Variants in CDH13 observed in about 807,000 individuals in gnomAD.
CDH13 encodes cadherin-13.
A neutral mutation model predicts 63.8 loss-of-function variants in CDH13; 24 were observed. The ratio of observed to expected loss-of-function variants is 0.38; its 90% CI spans 0.27 to 0.53. CDH13 has a LOEUF of 0.53. Among genes scored for constraint, CDH13 ranks in the 20% least tolerant of loss-of-function variants. The probability of loss-of-function intolerance (pLI) is 0.85; values close to 1 mark genes in which losing one functional copy is unlikely to be tolerated. For synonymous variants in CDH13, 503 were observed against 355.3 expected (o/e 1.42, Z -4.67); for missense variants, 1,049 against 903.1 (o/e 1.16, Z -2.07).
chr16:83,439,316 G>A (rs747089699), intron 6 of CDH13, among the ~76,000 whole-genome samples: 1 of 152,152 alleles, frequency 6.6e-6, no homozygotes, highest in Non-Finnish European at 1.5e-5. Flanking sequence ...CAGCCAAAGA[G>A]CACCAGGAAC....
At chr16:82,771,449 A>T (rs937565738) in intron 1 of CDH13, among the ~76,000 whole-genome samples, 7 of 152,164 alleles carry the variant, frequency 4.6e-5, no homozygotes, top group African/African-American at 1.4e-4. Context: ...GCTTGATAGC[A>T]TTTGTAAAGG....
chr16:83,397,075 G>C (rs774663388), intron 6 of CDH13, among the ~76,000 whole-genome samples: 1 of 151,996 alleles, frequency 6.6e-6, no homozygotes, highest in Non-Finnish European at 1.5e-5. Flanking sequence ...CTTTCTCCTG[G>C]CTTTCCTGAT....
chr16:83,266,666 A>C (rs768112249), intron 5 of CDH13, among the ~76,000 whole-genome samples: 7 of 152,246 alleles, frequency 4.6e-5, no homozygotes, highest in African/African-American at 7.2e-5. Flanking sequence ...AAGAAGTTTA[A>C]GTAAGGACAA....
chr16:82,754,241 A>G lies in CDH13; in HGVS notation c.46-104121A>G, dbSNP rs77015419. Among the ~76,000 whole-genome samples the G allele has an allele frequency of 1.7e-3, 256 of 152,306 alleles. 10 individuals carry two copies. The East Asian group carries it at 0.044, about 26-fold the overall frequency. The stretch of plus-strand genomic sequence containing the variant: ...ATGTCTATTTCTGCCCTGGGGTCCT[A>G]AAACATAAATTTTAACATTCCTTGC... On this transcript the variant is annotated intron_variant, in intron 1 of 13. Coordinates refer to ENST00000567109, the MANE Select transcript of CDH13 (RefSeq NM_001257.5).
intron 4 of CDH13, among the ~76,000 whole-genome samples, chr16:83,129,529 A>C (rs1329032379): frequency 6.6e-6 from 1 of 152,200 alleles, no homozygotes; most frequent in Non-Finnish European, 1.5e-5. Context: ...TTGTAATGTC[A>C]GGGGCTAACT....
intron 1 of CDH13, among the ~76,000 whole-genome samples, chr16:82,706,424 G>A (rs556530341): frequency 5.3e-5 from 8 of 152,294 alleles, no homozygotes; most frequent in East Asian, 1.9e-4. Context: ...CTCAGCAGCC[G>A]TTTCATGCCA....
chr16:82,858,628 A>G, intron 2 of CDH13, 155 bp downstream of exon 2: 2 of 690,028 alleles, frequency 2.9e-6, no homozygotes, highest in South Asian at 1.6e-5. Flanking sequence ...AAATTCTTGA[A>G]TGAGGGCCTG....
chr16:82,997,877 A>G (rs747675315), intron 2 of CDH13, among the ~76,000 whole-genome samples: 1 of 152,244 alleles, frequency 6.6e-6, no homozygotes, highest in Non-Finnish European at 1.5e-5. Context: ...TATCAGGCCA[A>G]CAATATCAGC....
intron 2 of CDH13, among the ~76,000 whole-genome samples, chr16:82,970,981 C>T (rs1427184569): frequency 1.3e-5 from 2 of 152,158 alleles, no homozygotes; most frequent in African/African-American, 4.8e-5. Context: ...TTCACATAGA[C>T]TAGGTTGCAA....
At chr16:83,161,147 T>A (rs2037427093) in intron 4 of CDH13, among the ~76,000 whole-genome samples, 1 of 152,196 alleles carries the variant, frequency 6.6e-6, no homozygotes. Context: ...CCACGTGATT[T>A]TCTAAGGCTA....
At chr16:83,191,505 A>ATATT (rs1491422081) in intron 4 of CDH13, among the ~76,000 whole-genome samples, 2 of 73,980 alleles carry the variant, frequency 2.7e-5, no homozygotes, top group Non-Finnish European at 5.8e-5. Flanking sequence ...ATATATATAT[A>ATATT]CACACACACA....
chr16:83,035,657 G>A (rs1916780040), intron 3 of CDH13, among the ~76,000 whole-genome samples: 1 of 152,186 alleles, frequency 6.6e-6, no homozygotes, highest in South Asian at 2.1e-4. Flanking sequence ...GCTGGACTTT[G>A]AAGGACGGGT....
At chr16:83,238,872 T>C (rs988916928) in intron 5 of CDH13, among the ~76,000 whole-genome samples, 4 of 152,182 alleles carry the variant, frequency 2.6e-5, no homozygotes, top group Non-Finnish European at 5.9e-5. Context: ...AAGACAGTCT[T>C]CTTCTGTCCT....
intron 2 of CDH13, among the ~76,000 whole-genome samples, chr16:82,962,867 G>A (rs979666317): frequency 2.0e-5 from 3 of 152,048 alleles, no homozygotes; most frequent in Admixed American, 2.0e-4. Context: ...TTTACTAATG[G>A]TCACTAATGA....
chr16:82,833,313 C>T (rs1467247493), intron 1 of CDH13, among the ~76,000 whole-genome samples: 1 of 152,186 alleles, frequency 6.6e-6, no homozygotes, highest in Non-Finnish European at 1.5e-5. Flanking sequence ...CAAAATAATT[C>T]TCACTGACAT....
intron 5 of CDH13, among the ~76,000 whole-genome samples, chr16:83,241,370 T>C (rs146870115): frequency 2.0e-3 from 310 of 152,348 alleles, no homozygotes; most frequent in African/African-American, 7.2e-3. Context: ...TGCTAGATCA[T>C]ATGGTAATTG....
intron 2 of CDH13, among the ~76,000 whole-genome samples, chr16:83,029,374 A>G (rs1239305815): frequency 6.6e-6 from 1 of 152,228 alleles, no homozygotes; most frequent in Non-Finnish European, 1.5e-5. Context: ...GTTCCTAGCA[A>G]CAATATTTGG....
chr16:83,184,373 A>G (rs2038448731), intron 4 of CDH13, among the ~76,000 whole-genome samples: 1 of 152,106 alleles, frequency 6.6e-6, no homozygotes, highest in Non-Finnish European at 1.5e-5. Flanking sequence ...ATCATTCCTC[A>G]ACCAACAGAG....
chr16:83,448,353 A>G (rs1035549164), intron 6 of CDH13, among the ~76,000 whole-genome samples: 5 of 152,148 alleles, frequency 3.3e-5, no homozygotes, highest in African/African-American at 1.2e-4. Flanking sequence ...CCAAGATACC[A>G]ACTTCAGCTT....
Sources: gnomAD v4.1 joint callset for allele counts (sites outside exome capture counted in the v4.1 genomes callset) on GRCh38, gnomAD v4.1.1 for gene constraint, MANE v1.5 for transcripts, NCBI Gene and HGNC (gene_info 2026-07-23, HGNC 2026-07-21) for gene names.